SRL: variants seen among roughly 807,000 people sequenced by gnomAD.
The protein encoded by SRL is sarcalumenin.
A neutral mutation model predicts 39.5 loss-of-function variants in SRL; 23 were observed. The ratio of observed to expected loss-of-function variants is 0.58; its 90% CI spans 0.42 to 0.82. The LOEUF (loss-of-function observed/expected upper bound fraction) is 0.82, where lower values mean the gene tolerates loss of function less well. Among genes scored for constraint, SRL ranks in the 40% least tolerant of loss-of-function variants. The pLI is 0.00. For missense variants in SRL, 592 were observed against 607.8 expected (o/e 0.97, Z 0.27); for synonymous variants, 272 against 237.4 (o/e 1.15, Z -1.34).
chr16:4,196,721 A>T (rs564186419), intron 4 of SRL, among the ~76,000 whole-genome samples: 1 of 151,610 alleles, frequency 6.6e-6, no homozygotes, highest in East Asian at 2.0e-4. Flanking sequence ...CCTTGTGATC[A>T]ACCCACCTCG....
intron 2 of SRL, among the ~76,000 whole-genome samples, 160 bp downstream of exon 2, chr16:4,204,373 C>T (rs1157052560): frequency 1.3e-5 from 1 of 74,932 alleles, no homozygotes; most frequent in Non-Finnish European, 3.3e-5. Flanking sequence ...TCAGGGCTCT[C>T]CTCTTCCCCA....
chr16:4,199,550 G>C (rs552772505), intron 3 of SRL, among the ~76,000 whole-genome samples: 3 of 151,096 alleles, frequency 2.0e-5, no homozygotes, highest in African/African-American at 7.3e-5. Flanking sequence ...TTTGTATTTA[G>C]AGTAGAGATG....
intron 1 of SRL, among the ~76,000 whole-genome samples, chr16:4,226,432 T>TGGGTGGATGGATGAATGGAA (rs2052590178): frequency 6.7e-6 from 1 of 148,314 alleles, no homozygotes; most frequent in Admixed American, 6.7e-5. Flanking sequence ...AATGGATGGA[T>TGGGTGGATGGATGAATGGAA]GGGTGGATGG....
chr16:4,237,010 C>T lies in SRL; in HGVS notation c.61+4997G>A, dbSNP rs113944968. On this transcript the variant is annotated intron_variant, in intron 1 of 5. Transcript: ENST00000399609. The stretch of plus-strand genomic sequence containing the variant: ...AGGTTGGGGTACAATAGTGCCATCA[C>T]AGCTCACTGCAGCCTCAGCCTACCA... Among the ~76,000 whole-genome samples the T allele has an allele frequency of 3.9e-3, 599 of 151,700 alleles. 5 individuals carry two copies. Among genetic ancestry groups the T allele is most frequent in the African/African-American group, 0.014 (574 of 41,318 alleles).
At chr16:4,194,946 G>A (rs1180741034) in intron 5 of SRL, among the ~76,000 whole-genome samples, 1 of 151,748 alleles carries the variant, frequency 6.6e-6, no homozygotes, top group African/African-American at 2.4e-5. Context: ...TAAGGCTGGA[G>A]TGCAGTAGCA....
Position 4,192,776 on chromosome 16 carries a change from G to A in SRL, c.799C>T (p.Arg267Trp), listed in dbSNP as rs762893107. ...ADNLATQMLMRVYGALFWSLA... is the reference protein window; with the variant it reads ...ADNLATQMLMWVYGALFWSLA... ...CTCCAGAAGAGGGCCCCGTAAACCCGCATGAGCATTTGGGTGGCCAGATTG... is the reference window on the plus strand; with the variant it reads ...CTCCAGAAGAGGGCCCCGTAAACCCACATGAGCATTTGGGTGGCCAGATTG... Residue 267 changes from arginine (R) to tryptophan (W), a missense_variant, in exon 6 of 6, where the codon CGG (arginine) becomes TGG (tryptophan). Arg to Trp is a moderately radical substitution (Grantham distance 101). Transcript: ENST00000399609. The surrounding 1 kb of genome is among the most constrained non-coding windows in gnomAD (Gnocchi z 4.0). The A allele has an allele frequency of 3.7e-6, 6 of 1,614,160 alleles. No homozygotes were observed. Among genetic ancestry groups the A allele is most frequent in the Non-Finnish European group, 4.2e-6 (5 of 1,180,040 alleles).
chr16:4,234,622 G>C (rs2052696116), intron 1 of SRL, among the ~76,000 whole-genome samples: 1 of 152,196 alleles, frequency 6.6e-6, no homozygotes, highest in South Asian at 2.1e-4. Flanking sequence ...TAGAAACTCA[G>C]TTAAATCCGT....
At chr16:4,211,783 G>A (rs2052396984) in intron 1 of SRL, among the ~76,000 whole-genome samples, 1 of 152,050 alleles carries the variant, frequency 6.6e-6, no homozygotes, top group Non-Finnish European at 1.5e-5. Context: ...TGGTGACTAT[G>A]CTGATGATGA....
chr16:4,228,688 T>TGG (rs1567189100), intron 1 of SRL, among the ~76,000 whole-genome samples: 7 of 150,800 alleles, frequency 4.6e-5, no homozygotes, highest in Non-Finnish European at 8.9e-5. Context: ...TGAGCCAAGA[T>TGG]CATGCCACTG....
At chr16:4,230,635 C>A (rs1226415604) in intron 1 of SRL, among the ~76,000 whole-genome samples, 1 of 151,900 alleles carries the variant, frequency 6.6e-6, no homozygotes, top group East Asian at 1.9e-4. Flanking sequence ...GATCCGCACC[C>A]CCTTGGCCTC....
At chr16:4,199,451 G>A (rs2052193293) in intron 3 of SRL, among the ~76,000 whole-genome samples, 1 of 126,644 alleles carries the variant, frequency 7.9e-6, no homozygotes, top group Admixed American at 1.0e-4. Context: ...AGCTCATATA[G>A]CCTCAACCTC....
At chr16:4,221,053 A>AT (rs113277798) in intron 1 of SRL, among the ~76,000 whole-genome samples, 28,090 of 145,244 alleles carry the variant, frequency 0.19, 2,842 homozygotes, top group Middle Eastern at 0.29. Flanking sequence ...CTATTCCATT[A>AT]TTTTTTTTTT....
intron 1 of SRL, among the ~76,000 whole-genome samples, chr16:4,229,031 T>C (rs930828833): frequency 6.6e-6 from 1 of 152,126 alleles, no homozygotes; most frequent in Non-Finnish European, 1.5e-5. Context: ...CACACTTATG[T>C]GTTCACTGCA....
chr16:4,230,471 C>T (rs1407395894), intron 1 of SRL, among the ~76,000 whole-genome samples: 2 of 151,572 alleles, frequency 1.3e-5, no homozygotes, highest in East Asian at 1.9e-4. Context: ...ACCTCCACCT[C>T]CCGGGTTCAA....
At chr16:4,207,207 T>A (rs757741702) in intron 1 of SRL, 68 of 456,958 alleles carry the variant, frequency 1.5e-4, no homozygotes, top group Non-Finnish European at 2.7e-4. Flanking sequence ...TCCTTCTTCC[T>A]CGCTTCCACT....
chr16:4,241,948 A>G, intron 1 of SRL, 59 bp downstream of exon 1: 6 of 1,597,808 alleles, frequency 3.8e-6, no homozygotes, highest in Non-Finnish European at 5.1e-6. Context: ...GTAGACAGAA[A>G]ACCTTGGAGG....
Position 4,190,807 on chromosome 16 carries a change from C to A in SRL, c.*1346G>T. ...TGGTTCTGACTCCTAGGAAATTGCT[C>A]CAAGTAAGTGTTGATGCATCAGGGA... On this transcript the variant is annotated 3_prime_UTR_variant, in exon 6 of 6. Coordinates refer to ENST00000399609, the MANE Select transcript of SRL (RefSeq NM_001098814.2). 4.2e-6 allele frequency: 1 copy of A among 235,516 alleles called. No homozygotes were observed. The highest frequency in any genetic ancestry group is 8.2e-6 in the Non-Finnish European group (1 of 122,286). 14.6% of individuals were successfully genotyped at this position (235,516 alleles called of 1,614,324 possible). A position where few individuals can be genotyped will look rare whatever the true frequency, so the allele number is the denominator to read the frequency against.
chr16:4,225,717 C>G (rs1213933685), intron 1 of SRL, among the ~76,000 whole-genome samples: 3 of 152,186 alleles, frequency 2.0e-5, no homozygotes, highest in East Asian at 1.9e-4. Context: ...CATCTCCCAC[C>G]TGGATTGTTG....
chr16:4,225,176 G>C (rs924934818), intron 1 of SRL, among the ~76,000 whole-genome samples: 2 of 152,112 alleles, frequency 1.3e-5, no homozygotes, highest in South Asian at 2.1e-4. Context: ...TTCTAAAATT[G>C]ACTGTGTTGA....
Sources: allele counts gnomAD v4.1 joint callset (sites outside exome capture counted in the v4.1 genomes callset), GRCh38; gene constraint gnomAD v4.1.1; non-coding constraint Gnocchi (gnomAD v3.1); transcripts MANE v1.5; gene names NCBI Gene and HGNC (gene_info 2026-07-23, HGNC 2026-07-21).